RABGAP1: variants seen among roughly 807,000 people sequenced by gnomAD.
The protein encoded by RABGAP1 is rab GTPase-activating protein 1.
RABGAP1 carries 23 observed loss-of-function variants against 137.6 expected under a neutral mutation model. The ratio of observed to expected loss-of-function variants is 0.17; its 90% CI spans 0.12 to 0.24. RABGAP1 has a LOEUF of 0.24. Among genes scored for constraint, RABGAP1 ranks in the 10% least tolerant of loss-of-function variants. The probability of loss-of-function intolerance (pLI) is 1.00; values close to 1 mark genes in which losing one functional copy is unlikely to be tolerated. For synonymous variants in RABGAP1, 451 were observed against 450.7 expected, an observed-to-expected ratio of 1.00 and a Z score of -0.01; for missense variants, 906 against 1,275.8, an observed-to-expected ratio of 0.71 and a Z score of 4.42.
intron 13 of RABGAP1, among the ~76,000 whole-genome samples, chr9:123,051,254 T>TGG: frequency 1.2e-5 from 1 of 80,712 alleles, no homozygotes; most frequent in Non-Finnish European, 2.2e-5. Flanking sequence ...TTTTTTTTTT[T>TGG]TTTTTTTTTT....
chr9:123,002,731 A>G (rs1837391486), intron 10 of RABGAP1, among the ~76,000 whole-genome samples: 1 of 152,154 alleles, frequency 6.6e-6, no homozygotes, highest in Non-Finnish European at 1.5e-5. Context: ...TGTTATTCAA[A>G]TAATAACATA....
chr9:123,048,781 A>G (rs1274586785), intron 13 of RABGAP1, among the ~76,000 whole-genome samples: 1 of 152,230 alleles, frequency 6.6e-6, no homozygotes, highest in Non-Finnish European at 1.5e-5. Context: ...AGGTAACAGT[A>G]CTTGAGTATT....
chr9:123,047,940 T>G (rs936179679), intron 13 of RABGAP1, among the ~76,000 whole-genome samples: 31 of 100,384 alleles, frequency 3.1e-4, no homozygotes, highest in Middle Eastern at 4.1e-3. Context: ...TTTTTTTTTT[T>G]TTTTTTTTTT....
At chr9:123,091,837 C>T (rs1357298786) in intron 21 of RABGAP1, among the ~76,000 whole-genome samples, 1 of 152,046 alleles carries the variant, frequency 6.6e-6, no homozygotes, top group Non-Finnish European at 1.5e-5. Context: ...GTTGAGTTTC[C>T]TCCTTACGGT....
At chr9:123,075,913 A>C (rs1395163934) in intron 17 of RABGAP1, among the ~76,000 whole-genome samples, 1 of 152,226 alleles carries the variant, frequency 6.6e-6, no homozygotes, top group East Asian at 1.9e-4. Flanking sequence ...CACAAGATAA[A>C]GGAAAAGTTC....
At chr9:122,950,377 CTTTTTTTTT>C (rs200424486) in intron 1 of RABGAP1, among the ~76,000 whole-genome samples, 17 of 74,490 alleles carry the variant, frequency 2.3e-4, no homozygotes, top group Admixed American at 9.2e-4. Context: ...CTTTTTCTTT[CTTTTTTTTT>C]TTTTTTTTTT....
intron 2 of RABGAP1, among the ~76,000 whole-genome samples, chr9:122,971,115 G>A (rs1788905663): frequency 6.6e-6 from 1 of 152,202 alleles, no homozygotes; most frequent in African/African-American, 2.4e-5. Context: ...CTCAGAAAGT[G>A]TACTCAGGGG....
At chr9:122,954,733 A>G (rs1834417649) in intron 1 of RABGAP1, among the ~76,000 whole-genome samples, 2 of 152,194 alleles carry the variant, frequency 1.3e-5, no homozygotes, top group African/African-American at 2.4e-5. Flanking sequence ...CCCAATACTG[A>G]GTGTTTTGGG....
chr9:123,005,205 A>G (rs1261662720), intron 10 of RABGAP1, among the ~76,000 whole-genome samples: 1 of 151,944 alleles, frequency 6.6e-6, no homozygotes, highest in Non-Finnish European at 1.5e-5. Context: ...ATCACTGGGA[A>G]TAATTTTTTA....
chr9:123,032,254 C>T (rs1318515691), intron 13 of RABGAP1, among the ~76,000 whole-genome samples: 5 of 152,034 alleles, frequency 3.3e-5, no homozygotes, highest in African/African-American at 1.2e-4. Flanking sequence ...TCTCAACAAC[C>T]CTGTGAAGTA....
At chr9:122,964,465 C>G (rs1054142445) in intron 2 of RABGAP1, among the ~76,000 whole-genome samples, 1 of 151,994 alleles carries the variant, frequency 6.6e-6, no homozygotes, top group Admixed American at 6.6e-5. Flanking sequence ...AAGCAAAACC[C>G]ACATGATCAT....
At chr9:123,010,263 TCACTGCAATTAAAAACATTAAAAA>T in intron 10 of RABGAP1, 67 bp from the exon 11 acceptor site, 2 of 1,181,368 alleles carry the variant, frequency 1.7e-6, no homozygotes, top group Non-Finnish European at 1.2e-6. Flanking sequence ...TGAGCCGAGA[TCACTGCAATTAAAAACATTAAAAA>T]CACTGCAATT....
intron 13 of RABGAP1, among the ~76,000 whole-genome samples, chr9:123,051,216 G>GTTTTTTTTTTTTTTTTTTTTTTTT (rs552457119): frequency 5.8e-5 from 2 of 34,278 alleles, no homozygotes; most frequent in Non-Finnish European, 5.6e-5. Context: ...ATTCACCTTG[G>GTTTTTTTTTTTTTTTTTTTTTTTT]TTTTTTTTTT....
chr9:122,973,707 C>T (rs1564370571), intron 2 of RABGAP1, among the ~76,000 whole-genome samples: 1 of 152,042 alleles, frequency 6.6e-6, no homozygotes, highest in African/African-American at 2.4e-5. Context: ...TCTGATACTG[C>T]TTTTTTAGAA....
At chr9:123,051,896 A>G (rs1276767411) in intron 13 of RABGAP1, among the ~76,000 whole-genome samples, 4 of 149,326 alleles carry the variant, frequency 2.7e-5, no homozygotes, top group African/African-American at 7.4e-5. Context: ...GGTTCATGCC[A>G]TTCTCCTGCC....
At chr9:123,089,670 C>T (rs536499178) in intron 19 of RABGAP1, 88 bp from the exon 20 acceptor site, 1 of 987,872 alleles carries the variant, frequency 1.0e-6, no homozygotes, top group East Asian at 2.6e-5. Context: ...ATTGCCCAGG[C>T]CACCAGAAGT....
intron 13 of RABGAP1, among the ~76,000 whole-genome samples, chr9:123,056,178 T>TCAACTGATAGAG (rs1202929962): frequency 2.0e-5 from 3 of 152,256 alleles, no homozygotes; most frequent in African/African-American, 7.2e-5. Context: ...CTAGGCCCTG[T>TCAACTGATAGAG]CAACTGATAG....
At chr9:122,945,811 T>A (rs1213076959) in intron 1 of RABGAP1, among the ~76,000 whole-genome samples, 1 of 152,202 alleles carries the variant, frequency 6.6e-6, no homozygotes, top group Non-Finnish European at 1.5e-5. Flanking sequence ...TGTTACTAAG[T>A]CAAACTTTAA....
chr9:123,050,676 C>G (rs922767882), intron 13 of RABGAP1, among the ~76,000 whole-genome samples: 1 of 152,168 alleles, frequency 6.6e-6, no homozygotes, highest in African/African-American at 2.4e-5. Flanking sequence ...ATGTAATTGA[C>G]TTTGAGAGGC....
Sources: gnomAD v4.1 joint callset for allele counts (sites outside exome capture counted in the v4.1 genomes callset) on GRCh38, gnomAD v4.1.1 for gene constraint, MANE v1.5 for transcripts, NCBI Gene and HGNC (gene_info 2026-07-23, HGNC 2026-07-21) for gene names.